The following TBXAS1 variants were observed in gnomAD, a reference collection of about 807,000 sequenced individuals.
TBXAS1 encodes thromboxane A synthase 1.
TBXAS1 carries 48 observed loss-of-function variants against 60.7 expected under a neutral mutation model. That is an observed-to-expected ratio of 0.79 (90% confidence interval 0.63 to 1.01). The LOEUF (loss-of-function observed/expected upper bound fraction) is 1.01, where lower values mean the gene tolerates loss of function less well. Ranked by LOEUF, TBXAS1 falls within the 50% of genes least tolerant of loss-of-function variation. The pLI is 0.00. For missense variants in TBXAS1, 685 were observed against 686.3 expected (o/e 1.00, Z 0.02); for synonymous variants, 287 against 269.7 (o/e 1.06, Z -0.63).
chr7:139,906,637 G>C (rs1805103407), intron 3 of TBXAS1, among the ~76,000 whole-genome samples: 1 of 152,148 alleles, frequency 6.6e-6, no homozygotes, highest in African/African-American at 2.4e-5. Context: ...TTTGGAATAA[G>C]TTTGTCTACA....
At chr7:139,942,857 C>G (rs989232940) in intron 5 of TBXAS1, among the ~76,000 whole-genome samples, 1 of 152,200 alleles carries the variant, frequency 6.6e-6, no homozygotes, top group African/African-American at 2.4e-5. Context: ...ATCTTAAAGG[C>G]AGAGGCAGAT....
At chr7:139,985,717 C>T (rs1191364454) in intron 9 of TBXAS1, among the ~76,000 whole-genome samples, 2 of 152,218 alleles carry the variant, frequency 1.3e-5, no homozygotes, top group Admixed American at 6.5e-5. Context: ...CATCTGTCCC[C>T]CTCCACTAGA....
chr7:139,851,592 G>C (rs1800217487), intron 1 of TBXAS1, among the ~76,000 whole-genome samples: 1 of 152,150 alleles, frequency 6.6e-6, no homozygotes, highest in South Asian at 2.1e-4. Context: ...ATGACATCTG[G>C]GCTAGTGCCT....
At chr7:139,877,851 A>G (rs1161277156) in intron 3 of TBXAS1, among the ~76,000 whole-genome samples, 1 of 151,782 alleles carries the variant, frequency 6.6e-6, no homozygotes, top group Non-Finnish European at 1.5e-5. Context: ...CTTTCTTTCA[A>G]ACAGTCTCAT....
intron 4 of TBXAS1, among the ~76,000 whole-genome samples, chr7:139,791,889 G>T (rs983954172): frequency 6.6e-6 from 1 of 151,282 alleles, no homozygotes; most frequent in African/African-American, 2.4e-5. Context: ...TTAAAGTATG[G>T]GTGGTAGTTT....
intron 5 of TBXAS1, among the ~76,000 whole-genome samples, chr7:139,939,423 G>A (rs530271103): frequency 6.9e-6 from 1 of 144,322 alleles, no homozygotes; most frequent in East Asian, 2.0e-4. Context: ...ATTTCATAGA[G>A]CCCATTATTT....
At chr7:139,971,218 A>G (rs906878365) in intron 9 of TBXAS1, among the ~76,000 whole-genome samples, 1 of 152,128 alleles carries the variant, frequency 6.6e-6, no homozygotes, top group African/African-American at 2.4e-5. Context: ...AGGGAGGAAA[A>G]GTTGCATCCT....
At chr7:139,956,411 G>A (rs1175946663) in intron 7 of TBXAS1, among the ~76,000 whole-genome samples, 1 of 152,200 alleles carries the variant, frequency 6.6e-6, no homozygotes, top group Non-Finnish European at 1.5e-5. Context: ...CTCCCAAAGT[G>A]CTGGGATTAC....
chr7:139,879,192 C>T (rs1442748652), intron 3 of TBXAS1, among the ~76,000 whole-genome samples: 3 of 152,174 alleles, frequency 2.0e-5, no homozygotes, highest in Non-Finnish European at 4.4e-5. Context: ...AACACTGCCA[C>T]CACCACCACC....
intron 4 of TBXAS1, among the ~76,000 whole-genome samples, chr7:139,804,823 C>T (rs1444556322): frequency 6.6e-6 from 1 of 152,206 alleles, no homozygotes; most frequent in African/African-American, 2.4e-5. Flanking sequence ...CCATGTGAAA[C>T]TGTGAGTCCA....
intron 5 of TBXAS1, 136 bp from the exon 6 acceptor site, chr7:139,953,232 C>A (rs753568085): frequency 2.6e-6 from 2 of 757,242 alleles, no homozygotes; most frequent in Non-Finnish European, 4.7e-6. Context: ...CTTCTTGAAT[C>A]TTAGCTGTGT....
chr7:139,965,751 A>G (rs1234705112), intron 9 of TBXAS1, among the ~76,000 whole-genome samples: 3 of 152,194 alleles, frequency 2.0e-5, no homozygotes, highest in Non-Finnish European at 4.4e-5. Context: ...GGGAATATCT[A>G]CAGCTGTCTT....
chr7:139,853,191 C>T (rs1199344792), intron 1 of TBXAS1, among the ~76,000 whole-genome samples: 1 of 152,164 alleles, frequency 6.6e-6, no homozygotes, highest in Non-Finnish European at 1.5e-5. Flanking sequence ...CTGATTTGAA[C>T]CCTGGGGATA....
At position 139,941,203 on chromosome 7, in the gene TBXAS1, C is replaced by A. The variant is rs146190392; in HGVS notation, c.450+4896C>A. Among the ~76,000 whole-genome samples the A allele has an allele frequency of 1.7e-3, 262 of 152,240 alleles. 5 individuals are homozygous for A. The East Asian group carries it at 0.049, about 28-fold the overall frequency. On this transcript the variant is annotated intron_variant, in intron 5 of 12. Transcript: ENST00000448866. Reference sequence around the variant, plus strand: ...TTGTTATCAAACATCAGAGTTTATTCTTGAAATAAAAGTTTGTTTCCCCTT... The same window carrying A: ...TTGTTATCAAACATCAGAGTTTATTATTGAAATAAAAGTTTGTTTCCCCTT...
chr7:139,919,802 C>A (rs150471996), intron 4 of TBXAS1, among the ~76,000 whole-genome samples: 22 of 152,302 alleles, frequency 1.4e-4, no homozygotes, highest in African/African-American at 5.1e-4. Context: ...CAATAACCTG[C>A]TCCTCAGGGC....
intron 1 of TBXAS1, among the ~76,000 whole-genome samples, chr7:139,838,013 A>C (rs1228863831): frequency 1.3e-5 from 2 of 152,158 alleles, no homozygotes; most frequent in Admixed American, 1.3e-4. Context: ...GTCCACAACC[A>C]TCAGCCCCGC....
intron 3 of TBXAS1, among the ~76,000 whole-genome samples, chr7:139,902,010 T>C (rs1386504601): frequency 6.6e-6 from 1 of 151,990 alleles, no homozygotes; most frequent in Non-Finnish European, 1.5e-5. Context: ...TATGTTCCCA[T>C]TACCCAGCTT....
chr7:139,957,838 T>A, intron 8 of TBXAS1, 74 bp downstream of exon 8: 1 of 1,600,334 alleles, frequency 6.2e-7, no homozygotes, highest in Non-Finnish European at 8.5e-7. Flanking sequence ...CTGCTCTTTC[T>A]CTTCCCTCTC....
At chr7:139,992,117 T>G (rs1812952368) in intron 9 of TBXAS1, among the ~76,000 whole-genome samples, 1 of 152,186 alleles carries the variant, frequency 6.6e-6, no homozygotes, top group Non-Finnish European at 1.5e-5. Flanking sequence ...CTGCCAGTTC[T>G]CCCTTGAGAG....
Sources: gnomAD v4.1 joint callset for allele counts (sites outside exome capture counted in the v4.1 genomes callset) on GRCh38, gnomAD v4.1.1 for gene constraint, MANE v1.5 for transcripts, NCBI Gene and HGNC (gene_info 2026-07-23, HGNC 2026-07-21) for gene names.